The following ANKRD66 variants were observed in gnomAD, a reference collection of about 807,000 sequenced individuals.
ANKRD66 encodes ankyrin repeat domain-containing protein 66.
In ANKRD66, 10 loss-of-function variants were observed where a neutral mutation model predicts 10.9. The ratio of observed to expected loss-of-function variants is 0.91; its 90% CI spans 0.56 to 1.55. The LOEUF (loss-of-function observed/expected upper bound fraction) is 1.55. Among genes scored for constraint, ANKRD66 ranks in the 40% most tolerant of loss-of-function variants. The pLI is 0.00. For missense variants in ANKRD66, 252 were observed against 242.9 expected, an observed-to-expected ratio of 1.04 and a Z score of -0.25; for synonymous variants, 85 against 88.4, an observed-to-expected ratio of 0.96 and a Z score of 0.22.
intron 1 of ANKRD66, among the ~76,000 whole-genome samples, chr6:46,747,910 C>A (rs145892009): frequency 3.3e-5 from 5 of 152,188 alleles, no homozygotes; most frequent in African/African-American, 1.2e-4. Flanking sequence ...TTTAGAGCAA[C>A]GGAGTAGATC....
At chr6:46,752,924 A>G (rs1766299672) in intron 3 of ANKRD66, among the ~76,000 whole-genome samples, 1 of 152,252 alleles carries the variant, frequency 6.6e-6, no homozygotes, top group Non-Finnish European at 1.5e-5. Context: ...ATGTTAAGTA[A>G]GAAAGTGCTA....
chr6:46,755,172 C>T (rs542822049), intron 4 of ANKRD66, among the ~76,000 whole-genome samples: 5 of 152,184 alleles, frequency 3.3e-5, no homozygotes, highest in African/African-American at 4.8e-5. Flanking sequence ...ACTCTCTTCC[C>T]GCTATTCCTG....
chr6:46,749,550 T>TGGGGGGGGGGGGGG, intron 1 of ANKRD66, among the ~76,000 whole-genome samples: 1 of 57,072 alleles, frequency 1.8e-5, no homozygotes, highest in Non-Finnish European at 3.4e-5. Context: ...TCTCTTTTAT[T>TGGGGGGGGGGGGGG]CCCCCCCCCC....
chr6:46,753,751 G>A lies in ANKRD66; in HGVS notation c.193G>A (p.Glu65Lys), dbSNP rs1348049071. Residue 65 changes from glutamate (E) to lysine (K), a missense_variant, in exon 4 of 5, where the codon GAA becomes AAA. Coordinates refer to ENST00000565422, the MANE Select transcript of ANKRD66 (RefSeq NM_001162435.3). ...AATGGAGGTGATACGGCTCCTGATA[G>A]AATATGGAGCCAGGCCCTGCCTGGT... is the stretch of plus-strand genomic sequence containing the variant. ...GQMEVIRLLI[E>K]YGARPCLVTS... The A allele has an allele frequency of 1.9e-6, 3 of 1,551,184 alleles. No homozygotes were observed. The highest frequency in any genetic ancestry group is 2.6e-6 in the Non-Finnish European group (3 of 1,146,768).
intron 3 of ANKRD66, 94 bp downstream of exon 3, chr6:46,752,205 T>C (rs1766285159): frequency 2.4e-6 from 3 of 1,264,414 alleles, no homozygotes; most frequent in Non-Finnish European, 3.1e-6. Flanking sequence ...GGAACAAACA[T>C]TTCTTTAGAG....
intron 4 of ANKRD66, chr6:46,757,902 A>C (rs1766412747): frequency 6.6e-6 from 1 of 152,272 alleles, no homozygotes; most frequent in Non-Finnish European, 1.5e-5. Context: ...CATAAATAAC[A>C]CTAATACAAG....
Position 46,746,985 on chromosome 6 carries a change from A to G in ANKRD66, c.-102A>G. The G allele has an allele frequency of 6.5e-7, 1 of 1,535,578 alleles. No individual in the cohort carries two copies. The highest frequency in any genetic ancestry group is 8.7e-7 in the Non-Finnish European group (1 of 1,146,800). On this transcript the variant is annotated 5_prime_UTR_variant, in exon 1 of 5. Coordinates refer to ENST00000565422, the MANE Select transcript of ANKRD66 (RefSeq NM_001162435.3). ...GCACAGAGCTCCTCAAATTTCACAC[A>G]AGACAGTAAGTGTTTTTAAGTTACC...
intron 4 of ANKRD66, 47 bp downstream of exon 4, chr6:46,753,997 G>T: frequency 6.8e-7 from 1 of 1,478,322 alleles, no homozygotes; most frequent in Non-Finnish European, 9.1e-7. Context: ...AGGAACAGGA[G>T]TCTGTGATCA....
Position 46,758,992 on chromosome 6 carries a change from C to G in ANKRD66, c.*71C>G. 7.0e-7 allele frequency: 1 copy of G among 1,428,062 alleles called. No individual in the cohort carries two copies. The highest frequency in any genetic ancestry group is 1.4e-5 in the South Asian group (1 of 70,610). The allele number at this position is 1,428,062 out of a possible 1,614,324, so 88.5% of individuals were successfully genotyped here. Reference sequence around the variant, plus strand: ...GAAATGAGGCTGTTAGGCATGGTGGCCTTTCCATGACTTTACTCATAGACC... The same window carrying G: ...GAAATGAGGCTGTTAGGCATGGTGGGCTTTCCATGACTTTACTCATAGACC... On this transcript the variant is annotated 3_prime_UTR_variant, in exon 5 of 5. Coordinates refer to ENST00000565422, the MANE Select transcript of ANKRD66 (RefSeq NM_001162435.3).
chr6:46,752,218 A>C (rs1374469281), intron 3 of ANKRD66, 107 bp downstream of exon 3: 1 of 1,216,726 alleles, frequency 8.2e-7, no homozygotes, highest in South Asian at 2.4e-5. Flanking sequence ...CTTTAGAGCC[A>C]GTTGGAAACT....
At chr6:46,751,756 C>G (rs1025359746) in intron 2 of ANKRD66, among the ~76,000 whole-genome samples, 181 bp from the exon 3 acceptor site, 10 of 152,152 alleles carry the variant, frequency 6.6e-5, no homozygotes, top group Admixed American at 2.6e-4. Context: ...GGGTAGGTGA[C>G]AGGCAGGCAC....
chr6:46,754,065 C>A, intron 4 of ANKRD66, 115 bp downstream of exon 4: 1 of 866,872 alleles, frequency 1.2e-6, no homozygotes, highest in Non-Finnish European at 1.7e-6. Flanking sequence ...GAAATCCAGC[C>A]AATGGACTAT....
chr6:46,756,805 C>T (rs1048916508), intron 4 of ANKRD66: 2 of 152,186 alleles, frequency 1.3e-5, no homozygotes, highest in African/African-American at 4.8e-5. Context: ...TGATGCTATT[C>T]TCTTTTAGTT....
intron 1 of ANKRD66, among the ~76,000 whole-genome samples, chr6:46,748,940 A>T (rs2150725573): frequency 6.6e-6 from 1 of 152,332 alleles, no homozygotes; most frequent in Middle Eastern, 3.4e-3. Context: ...CTAAATCAGA[A>T]TCTGCATTTT....
At chr6:46,757,740 C>T (rs905593323) in intron 4 of ANKRD66, 13 of 152,144 alleles carry the variant, frequency 8.5e-5, no homozygotes, top group African/African-American at 3.1e-4. Context: ...TGATTCAGCC[C>T]CCCAAGTGAT....
In ANKRD66 at chr6:46,759,075, T is replaced by C. The variant is rs1297190144; in HGVS notation, c.*154T>C. 1 of 646,106 alleles carries C rather than the reference T, an allele frequency of 1.5e-6. No individual in the cohort carries two copies. The highest frequency in any genetic ancestry group is 2.5e-6 in the Non-Finnish European group (1 of 399,206). 40.0% of individuals were successfully genotyped at this position (646,106 alleles called of 1,614,324 possible). ...CATTAGGTGCTGTCCACATGGGCTG[T>C]TGTTTCCTGGCTAGCACCTACTGTG... is the stretch of plus-strand genomic sequence containing the variant. On this transcript the variant is annotated 3_prime_UTR_variant, in exon 5 of 5. Transcript: ENST00000565422.
At chr6:46,753,669 A>C in intron 3 of ANKRD66, 53 bp from the exon 4 acceptor site, 1 of 1,476,622 alleles carries the variant, frequency 6.8e-7, no homozygotes, top group South Asian at 1.4e-5. Flanking sequence ...GCCTCAAGCC[A>C]CTTGGGACAT....
intron 2 of ANKRD66, among the ~76,000 whole-genome samples, chr6:46,750,700 T>C (rs1006537726): frequency 1.3e-5 from 2 of 148,842 alleles, no homozygotes; most frequent in Non-Finnish European, 3.0e-5. Flanking sequence ...TATATATACG[T>C]GTGTGTACAT....
In ANKRD66 at chr6:46,759,087, T is replaced by C. The variant is rs1024612441; in HGVS notation, c.*166T>C. 10 of 579,282 alleles carry C rather than the reference T, an allele frequency of 1.7e-5. No homozygotes were observed. The highest frequency in any genetic ancestry group is 1.7e-5 in the Non-Finnish European group (6 of 343,156). The allele number at this position is 579,282 out of a possible 1,614,324, so 35.9% of individuals were successfully genotyped here. On this transcript the variant is annotated 3_prime_UTR_variant, in exon 5 of 5. Coordinates refer to ENST00000565422, the MANE Select transcript of ANKRD66 (RefSeq NM_001162435.3). Reference sequence around the variant, plus strand: ...TCCACATGGGCTGTTGTTTCCTGGCTAGCACCTACTGTGTACAATAATTAC... The same window carrying C: ...TCCACATGGGCTGTTGTTTCCTGGCCAGCACCTACTGTGTACAATAATTAC...
Sources: allele counts gnomAD v4.1 joint callset (sites outside exome capture counted in the v4.1 genomes callset), GRCh38; gene constraint gnomAD v4.1.1; transcripts MANE v1.5; gene names NCBI Gene and HGNC (gene_info 2026-07-23, HGNC 2026-07-21).